Variants in SYT9 observed in about 807,000 individuals in gnomAD.
SYT9 encodes synaptotagmin 9.
Under a neutral mutation model 48.4 loss-of-function variants are expected in SYT9, and 22 were observed. The ratio of observed to expected loss-of-function variants is 0.45; its 90% CI spans 0.32 to 0.65. SYT9 has a LOEUF of 0.65. SYT9 is among the 30% of genes least tolerant of loss of function. The pLI, the probability that SYT9 is intolerant of heterozygous loss-of-function variation, is 0.03. For synonymous variants in SYT9, 265 were observed against 245.0 expected (o/e 1.08, Z -0.76); for missense variants, 577 against 622.0 (o/e 0.93, Z 0.77).
In SYT9 at chr11:7,262,484, C is replaced by T. The variant is rs563282833; in HGVS notation, c.145+10153C>T. Among the ~76,000 whole-genome samples, 13 of 152,010 alleles carry T rather than the reference C, an allele frequency of 8.6e-5. No individual in the cohort carries two copies. The South Asian group carries it at 1.0e-3, about 12-fold the overall frequency. On this transcript the variant is annotated intron_variant, in intron 1 of 6. Coordinates refer to ENST00000318881, the MANE Select transcript of SYT9 (RefSeq NM_175733.4). ...AGTGAATGGGAGAGTGAAGGGGACC[C>T]GCACTAAGTTCTGGAACTGTCCAAC...
intron 3 of SYT9, among the ~76,000 whole-genome samples, chr11:7,376,137 TA>T (rs1453730203): frequency 6.6e-6 from 1 of 152,104 alleles, no homozygotes; most frequent in Non-Finnish European, 1.5e-5. Flanking sequence ...CACACATTCT[TA>T]TTCACCTCTG....
At chr11:7,419,207 A>C (rs529461719) in intron 5 of SYT9, among the ~76,000 whole-genome samples, 19 of 152,350 alleles carry the variant, frequency 1.2e-4, no homozygotes, top group Non-Finnish European at 2.6e-4. Context: ...CTAGGCCAGC[A>C]ATTTTTAAGC....
chr11:7,243,394 T>C (rs939774722), intron 1 of SYT9, among the ~76,000 whole-genome samples: 1 of 152,242 alleles, frequency 6.6e-6, no homozygotes, highest in Non-Finnish European at 1.5e-5. Context: ...AGAGTAGGGC[T>C]GAGACAAACG....
At chr11:7,406,319 T>G (rs1847007425) in intron 3 of SYT9, among the ~76,000 whole-genome samples, 1 of 151,954 alleles carries the variant, frequency 6.6e-6, no homozygotes, top group South Asian at 2.1e-4. Context: ...ATATCCCACC[T>G]GCCACCCACA....
intron 6 of SYT9, chr11:7,457,881 G>C (rs966045889): frequency 1.3e-5 from 2 of 152,284 alleles, no homozygotes; most frequent in Non-Finnish European, 1.5e-5. Context: ...CACTATTTTG[G>C]CTGCCATGCT....
chr11:7,432,556 A>G (rs1847597092), intron 6 of SYT9, among the ~76,000 whole-genome samples: 1 of 15,052 alleles, frequency 6.6e-5, no homozygotes, highest in Admixed American at 8.3e-4. Flanking sequence ...TCAAAAAAAA[A>G]AAAAAAAAAA....
chr11:7,245,171 C>G (rs1287060800), intron 1 of SYT9, among the ~76,000 whole-genome samples: 1 of 152,178 alleles, frequency 6.6e-6, no homozygotes, highest in Non-Finnish European at 1.5e-5. Context: ...CTCCAATAAG[C>G]TGGAGAAGTT....
At chr11:7,297,817 G>A (rs1225738977) in intron 1 of SYT9, among the ~76,000 whole-genome samples, 1 of 152,158 alleles carries the variant, frequency 6.6e-6, no homozygotes. Context: ...TAGAATTCTA[G>A]TTTGAATGTA....
chr11:7,300,518 TC>T (rs1848899048), intron 1 of SYT9, among the ~76,000 whole-genome samples: 2 of 152,224 alleles, frequency 1.3e-5, no homozygotes, highest in South Asian at 4.1e-4. Flanking sequence ...AACACAGTTA[TC>T]TCATCACATT....
chr11:7,349,177 C>A (rs763576957), intron 3 of SYT9, among the ~76,000 whole-genome samples: 2 of 151,720 alleles, frequency 1.3e-5, no homozygotes, highest in African/African-American at 2.4e-5. Context: ...AAGAACTCCA[C>A]GAGCATTGCC....
At chr11:7,365,436 T>C (rs1364648543) in intron 3 of SYT9, among the ~76,000 whole-genome samples, 1 of 152,194 alleles carries the variant, frequency 6.6e-6, no homozygotes, top group Non-Finnish European at 1.5e-5. Context: ...TACATCAGGT[T>C]CTGATATCGT....
intron 6 of SYT9, among the ~76,000 whole-genome samples, chr11:7,463,870 A>G (rs1315520479): frequency 2.6e-5 from 4 of 152,206 alleles, no homozygotes; most frequent in African/African-American, 9.7e-5. Flanking sequence ...AAGGAAATTC[A>G]CCAAATGAGC....
At chr11:7,307,259 G>A (rs1589931539) in intron 2 of SYT9, among the ~76,000 whole-genome samples, 1 of 152,206 alleles carries the variant, frequency 6.6e-6, no homozygotes, top group Non-Finnish European at 1.5e-5. Flanking sequence ...AAAATTGAAT[G>A]TAATTATACT....
intron 5 of SYT9, among the ~76,000 whole-genome samples, chr11:7,419,299 C>T (rs899084417): frequency 1.3e-5 from 2 of 152,116 alleles, no homozygotes; most frequent in African/African-American, 4.8e-5. Context: ...ATGAATCTGG[C>T]CTGGAAAAAT....
intron 3 of SYT9, among the ~76,000 whole-genome samples, chr11:7,380,716 G>T (rs1024978313): frequency 6.6e-6 from 1 of 152,118 alleles, no homozygotes; most frequent in African/African-American, 2.4e-5. Flanking sequence ...ATCCCTTTCT[G>T]TCCAGACTAT....
chr11:7,373,718 A>G (rs74053607), intron 3 of SYT9, among the ~76,000 whole-genome samples: 1 of 152,082 alleles, frequency 6.6e-6, no homozygotes, highest in Non-Finnish European at 1.5e-5. Context: ...GCAGTTTCAC[A>G]TAACTCAGAA....
chr11:7,240,034 G>A (rs2119711567), intron 1 of SYT9, among the ~76,000 whole-genome samples: 1 of 152,298 alleles, frequency 6.6e-6, no homozygotes, highest in Non-Finnish European at 1.5e-5. Context: ...TTACGGACAA[G>A]GGTAGCAAGG....
chr11:7,434,878 C>T (rs1455031045), intron 6 of SYT9: 4 of 152,198 alleles, frequency 2.6e-5, no homozygotes, highest in East Asian at 1.9e-4. Context: ...ACAGAAAGTT[C>T]GTTCCCAGGA....
intron 6 of SYT9, among the ~76,000 whole-genome samples, chr11:7,458,543 T>C (rs1212727906): frequency 2.0e-5 from 3 of 152,188 alleles, no homozygotes; most frequent in South Asian, 2.1e-4. Context: ...AAGTGTGACA[T>C]AGATTGTTTA....
Sources: allele counts gnomAD v4.1 joint callset (sites outside exome capture counted in the v4.1 genomes callset), GRCh38; gene constraint gnomAD v4.1.1; transcripts MANE v1.5; gene names NCBI Gene and HGNC (gene_info 2026-07-23, HGNC 2026-07-21).